The following ZNF679 variants were observed in gnomAD, a reference collection of about 807,000 sequenced individuals.
ZNF679 encodes hypothetical protein MGC42415.
In ZNF679, 10 loss-of-function variants were observed where a neutral mutation model predicts 13.4. The observed-to-expected ratio is 0.75, with a 90% CI of 0.46 to 1.27. The LOEUF (loss-of-function observed/expected upper bound fraction) is 1.27. Among genes scored for constraint, ZNF679 ranks in the 50% most tolerant of loss-of-function variants. The probability of loss-of-function intolerance (pLI) is 0.00; values close to 1 mark genes in which losing one functional copy is unlikely to be tolerated. For missense variants in ZNF679, 525 were observed against 477.8 expected, an observed-to-expected ratio of 1.10 and a Z score of -0.92; for synonymous variants, 179 against 162.5, an observed-to-expected ratio of 1.10 and a Z score of -0.77.
At chr7:64,241,337 A>ACC (rs1421032029) in intron 1 of ZNF679, among the ~76,000 whole-genome samples, 1 of 152,236 alleles carries the variant, frequency 6.6e-6, no homozygotes, top group African/African-American at 2.4e-5. Context: ...GTGGAGACAG[A>ACC]CCACGCACAA....
intron 4 of ZNF679, among the ~76,000 whole-genome samples, chr7:64,264,855 G>C (rs1455249232): frequency 1.3e-5 from 2 of 151,742 alleles, no homozygotes; most frequent in African/African-American, 4.8e-5. Flanking sequence ...GTATATCCTA[G>C]TTTGTTTAGC....
intron 4 of ZNF679, among the ~76,000 whole-genome samples, chr7:64,262,011 C>A (rs2115609094): frequency 6.6e-6 from 1 of 152,158 alleles, no homozygotes; most frequent in South Asian, 2.1e-4. Flanking sequence ...AATGTGCCAC[C>A]ATGCCTGGCT....
At chr7:64,249,247 G>A (rs913542340) in intron 2 of ZNF679, 91 bp downstream of exon 2, 30 of 1,607,130 alleles carry the variant, frequency 1.9e-5, no homozygotes, top group Non-Finnish European at 2.6e-5. Context: ...CTTCCTCGCA[G>A]TCAGCTCCGG....
intron 4 of ZNF679, among the ~76,000 whole-genome samples, chr7:64,263,902 A>G (rs1279750970): frequency 6.6e-6 from 1 of 152,030 alleles, no homozygotes; most frequent in Non-Finnish European, 1.5e-5. Flanking sequence ...AATGTTTTTC[A>G]GGTTTTCTGT....
At chr7:64,245,089 C>T (rs1056657054) in intron 1 of ZNF679, among the ~76,000 whole-genome samples, 7 of 152,042 alleles carry the variant, frequency 4.6e-5, no homozygotes, top group African/African-American at 1.7e-4. Flanking sequence ...GCAGTGGTGC[C>T]ATCTCGGCTT....
At chr7:64,246,668 A>T (rs1307127193) in intron 1 of ZNF679, among the ~76,000 whole-genome samples, 1 of 152,104 alleles carries the variant, frequency 6.6e-6, no homozygotes, top group East Asian at 1.9e-4. Flanking sequence ...GGTTGCAGTG[A>T]GCCGAGATGG....
Position 64,249,172 on chromosome 7 carries a change from G to T in ZNF679, c.39+16G>T, listed in dbSNP as rs752894994. On this transcript the variant is annotated intron_variant, in intron 2 of 4. Coordinates refer to ENST00000421025, the MANE Select transcript of ZNF679 (RefSeq NM_153363.3). ...CCGAGAAATGGTGAGTGCTGGGTCT[G>T]TCACCGTGAGAGAGGGGTGAGGGCT... 1.5e-5 allele frequency: 24 copies of T among 1,613,990 alleles called. No individual in the cohort carries two copies. The Admixed American group carries it at 1.8e-4, about 12-fold the overall frequency.
chr7:64,265,518 C>T (rs1788132315), intron 4 of ZNF679, among the ~76,000 whole-genome samples: 1 of 151,980 alleles, frequency 6.6e-6, no homozygotes, highest in African/African-American at 2.4e-5. Flanking sequence ...CTCCATAAGC[C>T]AAAAATAAAG....
chr7:64,249,685 G>A (rs1277744932), intron 2 of ZNF679, among the ~76,000 whole-genome samples: 1 of 152,192 alleles, frequency 6.6e-6, no homozygotes, highest in East Asian at 1.9e-4. Context: ...GTTGCATGAT[G>A]AAGCAAACCA....
chr7:64,236,463 A>AG (rs1366103607), intron 1 of ZNF679, among the ~76,000 whole-genome samples: 29 of 151,076 alleles, frequency 1.9e-4, no homozygotes, highest in African/African-American at 6.8e-4. Context: ...GAAAAAAAAA[A>AG]GGGCAGAATA....
intron 2 of ZNF679, among the ~76,000 whole-genome samples, chr7:64,252,563 A>G (rs575448384): frequency 6.6e-6 from 1 of 152,336 alleles, no homozygotes; most frequent in East Asian, 1.9e-4. Context: ...AATATGAAAA[A>G]TGTCTCTTCC....
chr7:64,242,407 A>G (rs1787810420), intron 1 of ZNF679, among the ~76,000 whole-genome samples: 1 of 152,154 alleles, frequency 6.6e-6, no homozygotes, highest in African/African-American at 2.4e-5. Flanking sequence ...TTTTGTTACA[A>G]TCCCAAATGT....
chr7:64,241,553 A>G (rs1031683139), intron 1 of ZNF679, among the ~76,000 whole-genome samples: 8 of 152,240 alleles, frequency 5.3e-5, no homozygotes, highest in African/African-American at 1.9e-4. Flanking sequence ...ATATGTCACA[A>G]TGCCTCTTGC....
intron 1 of ZNF679, among the ~76,000 whole-genome samples, chr7:64,239,418 G>A (rs1216684081): frequency 6.6e-6 from 1 of 152,066 alleles, no homozygotes; most frequent in East Asian, 1.9e-4. Flanking sequence ...TGGGTAATTG[G>A]GAGTCCCATT....
At chr7:64,236,922 G>GAAAAAGA (rs58504724) in intron 1 of ZNF679, among the ~76,000 whole-genome samples, 1 of 85,338 alleles carries the variant, frequency 1.2e-5, no homozygotes, top group Non-Finnish European at 2.2e-5. Context: ...AAGAAAGAAA[G>GAAAAAGA]AAGAAAGAAA....
chr7:64,245,248 A>AC (rs914897299), intron 1 of ZNF679, among the ~76,000 whole-genome samples: 11 of 149,958 alleles, frequency 7.3e-5, no homozygotes, highest in South Asian at 2.1e-4. Context: ...CTGGTCTTGA[A>AC]CCCCCCCACT....
chr7:64,236,830 G>GA (rs1364055991), intron 1 of ZNF679, among the ~76,000 whole-genome samples: 2 of 121,008 alleles, frequency 1.7e-5, no homozygotes, highest in Non-Finnish European at 3.6e-5. Flanking sequence ...GAGAAAGAAG[G>GA]AAAAAAGGAG....
At chr7:64,260,124 T>A in intron 2 of ZNF679, 97 bp from the exon 3 acceptor site, 1 of 1,098,294 alleles carries the variant, frequency 9.1e-7, no homozygotes, top group Non-Finnish European at 1.3e-6. Flanking sequence ...TTCTTTTTAC[T>A]CTCTAACTTG....
intron 1 of ZNF679, among the ~76,000 whole-genome samples, chr7:64,241,860 A>G (rs1228435162): frequency 6.6e-6 from 1 of 152,242 alleles, no homozygotes; most frequent in African/African-American, 2.4e-5. Context: ...TTAACTGTAC[A>G]CTGGGCCAAG....
Sources: gnomAD v4.1 joint callset for allele counts (sites outside exome capture counted in the v4.1 genomes callset) on GRCh38, gnomAD v4.1.1 for gene constraint, MANE v1.5 for transcripts, NCBI Gene and HGNC (gene_info 2026-07-23, HGNC 2026-07-21) for gene names.